The following TENM3 variants were observed in gnomAD, a reference collection of about 807,000 sequenced individuals.
TENM3 encodes teneurin-3.
TENM3 carries 63 observed loss-of-function variants against 255.1 expected under a neutral mutation model. That is an observed-to-expected ratio of 0.25 (90% CI 0.20 to 0.30). The LOEUF (loss-of-function observed/expected upper bound fraction) is 0.30, where lower values mean the gene tolerates loss of function less well. Ranked by LOEUF, TENM3 falls within the 10% of genes least tolerant of loss-of-function variation. The pLI, the probability that TENM3 is intolerant of heterozygous loss-of-function variation, is 1.00. For synonymous variants in TENM3, 1,306 were observed against 1,322.3 expected (o/e 0.99, Z 0.27); for missense variants, 2,929 against 3,461.1 (o/e 0.85, Z 3.86).
At chr4:181,979,510 GTC>G in the TENM3 span, among the ~76,000 whole-genome samples, 2 of 152,094 alleles carry the variant, frequency 1.3e-5, no homozygotes, top group South Asian at 4.1e-4. Context: ...TAAAGTGAAA[GTC>G]TGAGCGGAGA....
the TENM3 span, among the ~76,000 whole-genome samples, chr4:182,096,871 G>T: frequency 6.6e-6 from 1 of 152,116 alleles, no homozygotes. Flanking sequence ...CAACCTAATG[G>T]AATAAAATGA....
chr4:182,676,982 C>T (rs1198043447), intron 7 of TENM3, among the ~76,000 whole-genome samples: 1 of 152,076 alleles, frequency 6.6e-6, no homozygotes, highest in East Asian at 1.9e-4. Flanking sequence ...GCATAAGGTC[C>T]TAAGACTCCT....
the TENM3 span, among the ~76,000 whole-genome samples, chr4:181,900,814 C>T: frequency 1.3e-5 from 2 of 152,164 alleles, no homozygotes; most frequent in African/African-American, 4.8e-5. Context: ...CCAGTAGTAT[C>T]GTTGAGAACA....
chr4:182,778,784 T>C lies in TENM3; in HGVS notation c.5304+3631T>C, dbSNP rs1764902085. 5.3e-5 allele frequency among the ~76,000 whole-genome samples: 8 copies of C among 152,160 alleles called. No individual in the cohort carries two copies. The South Asian group carries it at 1.7e-3, about 32-fold the overall frequency. On this transcript the variant is annotated intron_variant, in intron 24 of 27. Coordinates refer to ENST00000511685, the MANE Select transcript of TENM3 (RefSeq NM_001080477.4). ...TTTCCATGCTTACTTAAAGGAAGTA[T>C]ACATCACAAAGGAATTCATGGTGAT...
chr4:182,065,896 T>C, the TENM3 span, among the ~76,000 whole-genome samples: 2 of 152,242 alleles, frequency 1.3e-5, no homozygotes, highest in Non-Finnish European at 2.9e-5. Context: ...GCTTCAGCGC[T>C]GCTAGCTAGG....
At chr4:182,015,063 G>A in the TENM3 span, among the ~76,000 whole-genome samples, 2 of 152,290 alleles carry the variant, frequency 1.3e-5, no homozygotes, top group African/African-American at 2.4e-5. Context: ...CCTTTATAGA[G>A]TATATCCTAT....
intron 1 of TENM3, among the ~76,000 whole-genome samples, chr4:182,146,617 TAGAAA>T (rs575619266): frequency 4.6e-5 from 7 of 152,128 alleles, no homozygotes; most frequent in African/African-American, 9.7e-5. Flanking sequence ...TTAAATAACT[TAGAAA>T]AGAATAGTTA....
chr4:181,679,763 G>C, the TENM3 span, among the ~76,000 whole-genome samples: 2 of 152,094 alleles, frequency 1.3e-5, no homozygotes, highest in South Asian at 2.1e-4. Context: ...ACACTAAATA[G>C]TGCATTTGTT....
chr4:182,476,189 T>G (rs1014514413), intron 3 of TENM3, among the ~76,000 whole-genome samples: 12 of 152,238 alleles, frequency 7.9e-5, no homozygotes, highest in Non-Finnish European at 1.3e-4. Context: ...TTTTAGTGGC[T>G]GTTTAAAATG....
chr4:182,491,786 G>A (rs2151589885), intron 3 of TENM3, among the ~76,000 whole-genome samples: 1 of 152,174 alleles, frequency 6.6e-6, no homozygotes, highest in East Asian at 1.9e-4. Context: ...GGTTGCAATA[G>A]TATTGCATTA....
chr4:181,513,507 G>A, the TENM3 span, among the ~76,000 whole-genome samples: 1 of 152,204 alleles, frequency 6.6e-6, no homozygotes, highest in South Asian at 2.1e-4. Context: ...AGTGCAATTT[G>A]TTTCAATTAG....
the TENM3 span, among the ~76,000 whole-genome samples, chr4:182,086,593 T>A: frequency 6.6e-6 from 1 of 152,118 alleles, no homozygotes; most frequent in Non-Finnish European, 1.5e-5. Context: ...TGTAGGAAGG[T>A]GTTTTTTTCT....
the TENM3 span, among the ~76,000 whole-genome samples, chr4:181,647,632 C>T: frequency 6.6e-6 from 1 of 152,094 alleles, no homozygotes; most frequent in South Asian, 2.1e-4. Context: ...ATGAAATTTG[C>T]AAGAGCTGTG....
the TENM3 span, chr4:181,980,280 C>G: frequency 6.6e-6 from 1 of 152,308 alleles, no homozygotes; most frequent in East Asian, 1.9e-4. Flanking sequence ...CAAAGGTTAT[C>G]TTCCTGGTAA....
At chr4:182,074,149 G>A in the TENM3 span, among the ~76,000 whole-genome samples, 2 of 152,102 alleles carry the variant, frequency 1.3e-5, no homozygotes, top group Non-Finnish European at 2.9e-5. Context: ...CTTTACAAGG[G>A]CCAAATCATT....
the TENM3 span, among the ~76,000 whole-genome samples, chr4:181,603,592 T>G: frequency 6.6e-6 from 1 of 151,942 alleles, no homozygotes; most frequent in African/African-American, 2.4e-5. Context: ...TCCTCTAAAG[T>G]CTCAGTAAAA....
At chr4:181,482,115 A>C in the TENM3 span, among the ~76,000 whole-genome samples, 1 of 152,152 alleles carries the variant, frequency 6.6e-6, no homozygotes, top group Admixed American at 6.6e-5. Flanking sequence ...AATTGTATTT[A>C]ATTTTATTTT....
chr4:182,733,805 C>T (rs2152719061), intron 16 of TENM3, among the ~76,000 whole-genome samples: 1 of 152,270 alleles, frequency 6.6e-6, no homozygotes, highest in East Asian at 1.9e-4. Flanking sequence ...TTAATACTTC[C>T]TCCCCAGGCC....
the TENM3 span, among the ~76,000 whole-genome samples, chr4:182,092,515 G>A: frequency 2.6e-5 from 4 of 152,220 alleles, no homozygotes; most frequent in South Asian, 2.1e-4. Context: ...AGGCACATTG[G>A]CATGCACCTA....
Sources: gnomAD v4.1 joint callset for allele counts (sites outside exome capture counted in the v4.1 genomes callset) on GRCh38, gnomAD v4.1.1 for gene constraint, MANE v1.5 for transcripts, NCBI Gene and HGNC (gene_info 2026-07-23, HGNC 2026-07-21) for gene names.